SDK2: variants seen among roughly 807,000 people sequenced by gnomAD.
The protein encoded by SDK2 is protein sidekick-2.
SDK2 carries 105 observed loss-of-function variants against 253.9 expected under a neutral mutation model. The observed-to-expected ratio is 0.41, with a 90% confidence interval of 0.35 to 0.49. The LOEUF is 0.49. Ranked by LOEUF, SDK2 falls within the 20% of genes least tolerant of loss-of-function variation. SDK2 has a pLI of 0.06. For missense variants in SDK2, 2,608 were observed against 3,003.0 expected, an observed-to-expected ratio of 0.87 and a Z score of 3.07; for synonymous variants, 1,249 against 1,234.9, an observed-to-expected ratio of 1.01 and a Z score of -0.24.
At chr17:73,407,660 A>C (rs1599534915) in intron 18 of SDK2, among the ~76,000 whole-genome samples, 1 of 151,492 alleles carries the variant, frequency 6.6e-6, no homozygotes. Flanking sequence ...CTGGTCTTGA[A>C]CTCCTGGCCT....
At chr17:73,350,508 G>A (rs2062527567) in intron 42 of SDK2, 133 bp from the exon 43 acceptor site, 1 of 1,421,884 alleles carries the variant, frequency 7.0e-7, no homozygotes, top group East Asian at 2.4e-5. Context: ...GAGATTGTGT[G>A]TAGAAACCCT....
At chr17:73,637,139 C>A (rs1017800713) in intron 1 of SDK2, among the ~76,000 whole-genome samples, 1 of 152,144 alleles carries the variant, frequency 6.6e-6, no homozygotes, top group Non-Finnish European at 1.5e-5. Context: ...GACTGGGGTT[C>A]TGCTTTAGGA....
rs1389631165 is a variant in SDK2, at chr17:73,591,207, C to G, written c.64+52818G>C. ...AGTTTGGATTACAGGTGTGAGCCAC[C>G]GCACCCGGTCTTAACTGTTTCTATA... On this transcript the variant is annotated intron_variant, in intron 1 of 44. Transcript: ENST00000392650. 2.0e-5 allele frequency among the ~76,000 whole-genome samples: 3 copies of G among 152,300 alleles called. No homozygotes were observed. The East Asian group carries it at 5.8e-4, about 29-fold the overall frequency.
At chr17:73,442,353 T>TC (rs531834604) in intron 5 of SDK2, among the ~76,000 whole-genome samples, 17 of 151,878 alleles carry the variant, frequency 1.1e-4, no homozygotes, top group Admixed American at 1.0e-3. Flanking sequence ...GCAGTCTTTT[T>TC]TTTTTTTGGA....
chr17:73,594,398 G>T (rs1052954485), intron 1 of SDK2, among the ~76,000 whole-genome samples: 1 of 152,106 alleles, frequency 6.6e-6, no homozygotes, highest in East Asian at 1.9e-4. Context: ...CCCTCCCCCA[G>T]TGCTGCTCCC....
At chr17:73,538,090 C>T (rs112143412) in intron 1 of SDK2, among the ~76,000 whole-genome samples, 561 of 152,222 alleles carry the variant, frequency 3.7e-3, no homozygotes, top group African/African-American at 0.011. Flanking sequence ...TTCTGACTCC[C>T]GGGAACGGCG....
intron 4 of SDK2, among the ~76,000 whole-genome samples, chr17:73,450,810 T>C (rs2063485523): frequency 6.6e-6 from 1 of 152,172 alleles, no homozygotes; most frequent in Non-Finnish European, 1.5e-5. Context: ...CCGGGGGTGT[T>C]GTTAAGCACG....
At chr17:73,456,801 G>A (rs1006707375) in intron 3 of SDK2, among the ~76,000 whole-genome samples, 21 of 152,244 alleles carry the variant, frequency 1.4e-4, no homozygotes, top group Non-Finnish European at 2.2e-4. Context: ...CCAGCCTGCC[G>A]GCCTGCCGGG....
At chr17:73,605,070 G>A (rs1171217914) in intron 1 of SDK2, among the ~76,000 whole-genome samples, 2 of 152,248 alleles carry the variant, frequency 1.3e-5, no homozygotes, top group Non-Finnish European at 2.9e-5. Flanking sequence ...AAGGGGGCAA[G>A]GCCGTAAGAG....
At chr17:73,359,602 G>A (rs560600996) in intron 39 of SDK2, among the ~76,000 whole-genome samples, 61 of 152,252 alleles carry the variant, frequency 4.0e-4, no homozygotes, top group African/African-American at 1.2e-3. Context: ...CATGTTCCCC[G>A]CCTGCAGACC....
intron 28 of SDK2, among the ~76,000 whole-genome samples, chr17:73,390,887 C>T (rs1438193517): frequency 4.6e-5 from 7 of 152,174 alleles, no homozygotes; most frequent in Non-Finnish European, 1.0e-4. Flanking sequence ...GCAGGTGGTG[C>T]GTGAGGTCAG....
At chr17:73,584,359 A>G (rs2045576240) in intron 1 of SDK2, among the ~76,000 whole-genome samples, 1 of 152,188 alleles carries the variant, frequency 6.6e-6, no homozygotes, top group African/African-American at 2.4e-5. Context: ...AGCTTTTCCA[A>G]TAAGGTTGTT....
intron 36 of SDK2, among the ~76,000 whole-genome samples, chr17:73,374,375 C>T (rs886442496): frequency 6.9e-6 from 1 of 144,736 alleles, no homozygotes; most frequent in African/African-American, 2.7e-5. Flanking sequence ...CCTCCTCCTT[C>T]ACCAGCTTTG....
At chr17:73,557,780 C>T (rs1226255761) in intron 1 of SDK2, among the ~76,000 whole-genome samples, 1 of 152,170 alleles carries the variant, frequency 6.6e-6, no homozygotes, top group African/African-American at 2.4e-5. Context: ...TGTCAAAGCC[C>T]TGCCATTCTA....
intron 26 of SDK2, 85 bp downstream of exon 26, chr17:73,394,124 G>A: frequency 1.3e-6 from 1 of 784,534 alleles, no homozygotes; most frequent in Non-Finnish European, 1.9e-6. Flanking sequence ...CAGAGACCTA[G>A]AGGGTGATAA....
At chr17:73,525,248 C>T (rs2064116220) in intron 1 of SDK2, among the ~76,000 whole-genome samples, 1 of 152,242 alleles carries the variant, frequency 6.6e-6, no homozygotes, top group Admixed American at 6.5e-5. Flanking sequence ...AGGGAGGGCC[C>T]CAGAAGCAGC....
chr17:73,588,823 T>G (rs1353562872), intron 1 of SDK2, among the ~76,000 whole-genome samples: 1 of 152,270 alleles, frequency 6.6e-6, no homozygotes, highest in East Asian at 1.9e-4. Context: ...ACAGCAGCTC[T>G]GGGTGACAAC....
chr17:73,466,012 C>T (rs1033191499), intron 3 of SDK2, among the ~76,000 whole-genome samples: 5 of 152,160 alleles, frequency 3.3e-5, no homozygotes, highest in Admixed American at 1.3e-4. Context: ...TGGGAGGGCC[C>T]CAGACTGGGG....
intron 31 of SDK2, among the ~76,000 whole-genome samples, chr17:73,386,168 A>T (rs2062870428): frequency 6.6e-6 from 1 of 152,104 alleles, no homozygotes; most frequent in African/African-American, 2.4e-5. Context: ...AGAGCCATAG[A>T]CCACTTCTGC....
Sources: allele counts gnomAD v4.1 joint callset (sites outside exome capture counted in the v4.1 genomes callset), GRCh38; gene constraint gnomAD v4.1.1; transcripts MANE v1.5; gene names NCBI Gene and HGNC (gene_info 2026-07-23, HGNC 2026-07-21).